Variants in MICU2 observed in about 807,000 individuals in gnomAD.
The protein encoded by MICU2 is mitochondrial calcium uptake 2.
MICU2 carries 64 observed loss-of-function variants against 60.4 expected under a neutral mutation model. That is an observed-to-expected ratio of 1.06 (90% CI 0.87 to 1.31). The LOEUF is 1.31. MICU2 is among the 50% of genes most tolerant of loss of function. The pLI is 0.00. For missense variants in MICU2, 569 were observed against 531.0 expected (o/e 1.07, Z -0.70); for synonymous variants, 201 against 175.0 (o/e 1.15, Z -1.17).
Position 21,603,954 on chromosome 13 carries a change from A to AAC in MICU2, c.194_195insGT (p.Phe65LeufsTer14). On this transcript the variant is annotated frameshift_variant, in exon 1 of 12. Transcript: ENST00000382374. LOFTEE classifies it high-confidence loss of function. The stretch of plus-strand genomic sequence containing the variant: ...AGTCCTGTACCTGTGCGGAGACTGT[A>AAC]AAACTGCCATCCCGCGCCGCAACAC... 1.2e-6 allele frequency: 2 copies of AAC among 1,612,564 alleles called. No homozygotes were observed. Among genetic ancestry groups the AAC allele is most frequent in the Non-Finnish European group, 1.7e-6 (2 of 1,179,644 alleles).
chr13:21,494,532 G>A (rs980161895), intron 11 of MICU2, among the ~76,000 whole-genome samples: 8 of 152,112 alleles, frequency 5.3e-5, no homozygotes, highest in African/African-American at 1.9e-4. Flanking sequence ...TAACAATAAT[G>A]CTTTCTGGTA....
At chr13:21,530,857 G>C (rs2138181012) in intron 4 of MICU2, 2 of 737,978 alleles carry the variant, frequency 2.7e-6, no homozygotes, top group East Asian at 2.6e-5. Flanking sequence ...TCTGAGCCTG[G>C]ACTCACCCTC....
intron 5 of MICU2, among the ~76,000 whole-genome samples, chr13:21,521,609 C>A (rs1236739659): frequency 6.6e-6 from 1 of 152,182 alleles, no homozygotes; most frequent in East Asian, 1.9e-4. Flanking sequence ...ATTTCTTTAG[C>A]TGCACTAGGG....
chr13:21,543,668 G>T (rs775875696), intron 2 of MICU2, among the ~76,000 whole-genome samples: 1 of 152,054 alleles, frequency 6.6e-6, no homozygotes, highest in African/African-American at 2.4e-5. Context: ...AACCGAGGAG[G>T]ATACAGACGA....
At chr13:21,506,932 G>A (rs958483937) in intron 8 of MICU2, among the ~76,000 whole-genome samples, 2 of 152,146 alleles carry the variant, frequency 1.3e-5, no homozygotes, top group African/African-American at 4.8e-5. Flanking sequence ...AACCATTTTT[G>A]TGGAATATCA....
At chr13:21,514,249 A>G (rs1886505281) in intron 7 of MICU2, 104 bp downstream of exon 7, 1 of 962,352 alleles carries the variant, frequency 1.0e-6, no homozygotes. Context: ...TAAAAAAATT[A>G]AATTGCTGAT....
chr13:21,539,505 G>C lies in MICU2; in HGVS notation c.391-128C>G, dbSNP rs188776728. 1.9e-5 allele frequency: 25 copies of C among 1,297,204 alleles called. No homozygotes were observed. In the African/African-American group the frequency reaches 3.6e-4, roughly 18 times the overall value. 80.4% of individuals were successfully genotyped at this position (1,297,204 alleles called of 1,614,324 possible). A position where few individuals can be genotyped will look rare whatever the true frequency, so the allele number is the denominator to read the frequency against. ...TTTAGTAGACACAGGGCTTCACTGT[G>C]TTAGCCAGGATGGTGATCTCCTGAC... On this transcript the variant is annotated intron_variant, in intron 3 of 11. Coordinates refer to ENST00000382374, the MANE Select transcript of MICU2 (RefSeq NM_152726.3).
intron 1 of MICU2, among the ~76,000 whole-genome samples, chr13:21,599,627 C>T (rs1227617697): frequency 2.0e-5 from 3 of 152,158 alleles, no homozygotes; most frequent in Non-Finnish European, 2.9e-5. Context: ...AGAGTCTTTA[C>T]GAATTTATCT....
intron 4 of MICU2, among the ~76,000 whole-genome samples, chr13:21,536,100 A>T (rs957663260): frequency 2.0e-5 from 3 of 152,146 alleles, no homozygotes; most frequent in Non-Finnish European, 4.4e-5. Context: ...ACTGGAAGGA[A>T]TTGGTAAAGG....
chr13:21,562,491 A>G (rs1401601755), intron 2 of MICU2, among the ~76,000 whole-genome samples: 1 of 151,926 alleles, frequency 6.6e-6, no homozygotes, highest in East Asian at 1.9e-4. Context: ...TTAGCTGAGT[A>G]TTTTACATAA....
intron 2 of MICU2, among the ~76,000 whole-genome samples, chr13:21,540,376 T>A (rs1163244944): frequency 6.6e-6 from 1 of 152,144 alleles, no homozygotes; most frequent in Non-Finnish European, 1.5e-5. Context: ...GAAAAATGTT[T>A]TATTTTGTTT....
intron 9 of MICU2, among the ~76,000 whole-genome samples, chr13:21,501,890 T>C (rs1886178965): frequency 6.6e-6 from 1 of 152,166 alleles, no homozygotes; most frequent in African/African-American, 2.4e-5. Context: ...TAGACCTCTA[T>C]GCGGACAGAG....
chr13:21,544,361 T>C (rs1389693800), intron 2 of MICU2, among the ~76,000 whole-genome samples: 2 of 151,868 alleles, frequency 1.3e-5, no homozygotes, highest in African/African-American at 4.8e-5. Flanking sequence ...GTAAAACGCT[T>C]CTGTACAGCA....
At chr13:21,601,643 AAC>A (rs1458034307) in intron 1 of MICU2, among the ~76,000 whole-genome samples, 1 of 152,130 alleles carries the variant, frequency 6.6e-6, no homozygotes, top group Non-Finnish European at 1.5e-5. Context: ...AAAAAAAAAA[AAC>A]AATTAGATGG....
At chr13:21,575,985 TA>T (rs1008007916) in intron 1 of MICU2, among the ~76,000 whole-genome samples, 2 of 152,166 alleles carry the variant, frequency 1.3e-5, no homozygotes, top group African/African-American at 4.8e-5. Context: ...CTTACAGAGA[TA>T]AAATGGTGGG....
At chr13:21,571,990 T>C (rs113100883) in intron 1 of MICU2, among the ~76,000 whole-genome samples, 2 of 152,354 alleles carry the variant, frequency 1.3e-5, no homozygotes, top group African/African-American at 4.8e-5. Flanking sequence ...CACTGGAGCC[T>C]ATATGGAAAT....
At chr13:21,598,621 C>A (rs1888746914) in intron 1 of MICU2, among the ~76,000 whole-genome samples, 1 of 152,008 alleles carries the variant, frequency 6.6e-6, no homozygotes, top group African/African-American at 2.4e-5. Flanking sequence ...GAGGCTGAGA[C>A]CAGAGAATTG....
chr13:21,539,441 G>A, intron 3 of MICU2, 64 bp from the exon 4 acceptor site: 1 of 1,452,746 alleles, frequency 6.9e-7, no homozygotes, highest in Admixed American at 1.9e-5. Context: ...TGGGACTACA[G>A]ACGCCCACCT....
At chr13:21,530,674 A>G (rs1886970441) in intron 4 of MICU2, 2 of 333,222 alleles carry the variant, frequency 6.0e-6, no homozygotes, top group Admixed American at 4.6e-5. Flanking sequence ...AAAAATAAAA[A>G]TAAGTTACTG....
Sources: gnomAD v4.1 joint callset for allele counts (sites outside exome capture counted in the v4.1 genomes callset) on GRCh38, gnomAD v4.1.1 for gene constraint, MANE v1.5 for transcripts, NCBI Gene and HGNC (gene_info 2026-07-23, HGNC 2026-07-21) for gene names.